ARID2: variants seen among roughly 807,000 people sequenced by gnomAD.
ARID2 encodes the protein AT-rich interactive domain-containing protein 2.
In ARID2, 32 loss-of-function variants were observed where a neutral mutation model predicts 184.6. The observed-to-expected ratio is 0.17, with a 90% CI of 0.13 to 0.23. The LOEUF (loss-of-function observed/expected upper bound fraction) is 0.23, where lower values mean the gene tolerates loss of function less well. Ranked by LOEUF, ARID2 falls within the 10% of genes least tolerant of loss-of-function variation. The pLI, the probability that ARID2 is intolerant of heterozygous loss-of-function variation, is 1.00. For synonymous variants in ARID2, 836 were observed against 772.6 expected, an observed-to-expected ratio of 1.08 and a Z score of -1.36; for missense variants, 1,696 against 2,197.6, an observed-to-expected ratio of 0.77 and a Z score of 4.56.
intron 20 of ARID2, among the ~76,000 whole-genome samples, chr12:45,903,252 G>GGTTA (rs1944480654): frequency 6.6e-6 from 1 of 152,072 alleles, no homozygotes; most frequent in South Asian, 2.1e-4. Context: ...TGGGCAAATG[G>GGTTA]GTTATTTCCA....
intron 16 of ARID2, among the ~76,000 whole-genome samples, chr12:45,889,558 T>C (rs1279040877): frequency 6.6e-6 from 1 of 152,216 alleles, no homozygotes; most frequent in Non-Finnish European, 1.5e-5. Context: ...CCAATAAATA[T>C]CCGTAATGTT....
At chr12:45,770,113 A>C (rs1941841037) in intron 3 of ARID2, among the ~76,000 whole-genome samples, 1 of 151,870 alleles carries the variant, frequency 6.6e-6, no homozygotes, top group Non-Finnish European at 1.5e-5. Flanking sequence ...AGTAGCCGGG[A>C]GTGGTGGTGG....
intron 3 of ARID2, among the ~76,000 whole-genome samples, chr12:45,771,100 A>G (rs558011761): frequency 3.3e-5 from 5 of 152,362 alleles, no homozygotes; most frequent in South Asian, 4.1e-4. Context: ...AGGTAATTAT[A>G]TAATTATAAA....
intron 3 of ARID2, among the ~76,000 whole-genome samples, chr12:45,803,718 C>T (rs1341296229): frequency 2.6e-5 from 4 of 152,082 alleles, no homozygotes; most frequent in Non-Finnish European, 1.5e-5. Context: ...AGGTGAGAAG[C>T]GTCTACTCTG....
At chr12:45,822,639 G>T (rs931256881) in intron 6 of ARID2, among the ~76,000 whole-genome samples, 1 of 152,050 alleles carries the variant, frequency 6.6e-6, no homozygotes, top group African/African-American at 2.4e-5. Flanking sequence ...ATTTAATGGT[G>T]TTTGATTAAT....
At chr12:45,886,790 T>A (rs900702318) in intron 16 of ARID2, among the ~76,000 whole-genome samples, 1 of 152,212 alleles carries the variant, frequency 6.6e-6, no homozygotes, top group Admixed American at 6.5e-5. Context: ...AGCTGTACCT[T>A]GGCCCTTTTT....
intron 16 of ARID2, 27 bp downstream of exon 16, chr12:45,860,976 A>T (rs759477468): frequency 6.8e-7 from 1 of 1,481,052 alleles, no homozygotes; most frequent in Non-Finnish European, 9.0e-7. Context: ...TTTGATATAT[A>T]AAAGTATTCT....
chr12:45,828,277 G>T (rs1262683289), intron 6 of ARID2, among the ~76,000 whole-genome samples: 1 of 151,834 alleles, frequency 6.6e-6, no homozygotes, highest in Non-Finnish European at 1.5e-5. Context: ...AAAGTTTCAT[G>T]CATATCGTTG....
intron 6 of ARID2, among the ~76,000 whole-genome samples, chr12:45,824,975 C>G (rs1377799291): frequency 6.6e-6 from 1 of 151,402 alleles, no homozygotes; most frequent in South Asian, 2.1e-4. Context: ...TCATTATGTT[C>G]AATGAAAACC....
At chr12:45,800,836 T>A (rs1373294191) in intron 3 of ARID2, among the ~76,000 whole-genome samples, 1 of 152,166 alleles carries the variant, frequency 6.6e-6, no homozygotes, top group Non-Finnish European at 1.5e-5. Flanking sequence ...TCTGGGACAC[T>A]GTCTAAAGGA....
In ARID2 at chr12:45,905,801, T is replaced by TCCTG. The variant is rs1944519026; in HGVS notation, c.*724_*727dup. The TCCTG allele has an allele frequency of 4.3e-6, 1 of 232,954 alleles. No homozygotes were observed. Among genetic ancestry groups the TCCTG allele is most frequent in the Non-Finnish European group, 8.5e-6 (1 of 117,696 alleles). 14.4% of individuals were successfully genotyped at this position (232,954 alleles called of 1,614,324 possible). ...GTAGGTTCTAAAGTTTTCTAGACTT[T>TCCTG]CCTGTCAATTGTAAGTAATTGTGAT... is the stretch of plus-strand genomic sequence containing the variant. On this transcript the variant is annotated 3_prime_UTR_variant, in exon 21 of 21. Transcript: ENST00000334344.
intron 20 of ARID2, among the ~76,000 whole-genome samples, chr12:45,903,600 A>G (rs1416136689): frequency 2.0e-5 from 3 of 152,140 alleles, no homozygotes; most frequent in Admixed American, 6.5e-5. Context: ...AAGATGCCCA[A>G]CTGTTTATTC....
intron 6 of ARID2, among the ~76,000 whole-genome samples, chr12:45,825,870 GAAAA>G (rs370951452): frequency 1.4e-5 from 2 of 145,908 alleles, no homozygotes; most frequent in African/African-American, 5.0e-5. Context: ...TCTTTAAGGG[GAAAA>G]AAAAAAGACT....
chr12:45,876,119 C>T (rs191818829), intron 16 of ARID2, among the ~76,000 whole-genome samples: 13 of 152,330 alleles, frequency 8.5e-5, no homozygotes, highest in African/African-American at 2.9e-4. Context: ...TACGACTCTT[C>T]CTTTCACTTG....
At chr12:45,762,602 A>G (rs957813433) in intron 3 of ARID2, among the ~76,000 whole-genome samples, 1 of 152,200 alleles carries the variant, frequency 6.6e-6, no homozygotes, top group Non-Finnish European at 1.5e-5. Flanking sequence ...CCCTACCATT[A>G]TCAATGTCTT....
At chr12:45,836,509 C>T in intron 6 of ARID2, 80 bp from the exon 7 acceptor site, 2 of 1,345,338 alleles carry the variant, frequency 1.5e-6, no homozygotes, top group Non-Finnish European at 2.0e-6. Context: ...AGCCACCATA[C>T]CTAGCCTGTG....
intron 3 of ARID2, among the ~76,000 whole-genome samples, chr12:45,737,144 A>C (rs192776227): frequency 6.7e-4 from 102 of 152,350 alleles, no homozygotes; most frequent in African/African-American, 2.0e-3. Flanking sequence ...CATTGCAATA[A>C]ACTATTGCTG....
chr12:45,806,682 T>C (rs1592088331), intron 3 of ARID2, among the ~76,000 whole-genome samples: 1 of 152,304 alleles, frequency 6.6e-6, no homozygotes, highest in East Asian at 1.9e-4. Flanking sequence ...CTTTTGGAAA[T>C]CCTGGAAGAG....
At chr12:45,847,544 G>A (rs536460399) in intron 12 of ARID2, among the ~76,000 whole-genome samples, 1 of 152,092 alleles carries the variant, frequency 6.6e-6, no homozygotes, top group East Asian at 1.9e-4. Context: ...ACTTGTTATG[G>A]ATAGTTGCCT....
Sources: gnomAD v4.1 joint callset for allele counts (sites outside exome capture counted in the v4.1 genomes callset) on GRCh38, gnomAD v4.1.1 for gene constraint, MANE v1.5 for transcripts, NCBI Gene and HGNC (gene_info 2026-07-23, HGNC 2026-07-21) for gene names.